ZC4H2: variants seen among roughly 807,000 people sequenced by gnomAD.
The protein encoded by ZC4H2 is zinc finger C4H2-type containing, also known as zinc finger C4H2 domain-containing protein.
For synonymous variants in ZC4H2, 84 were observed against 66.3 expected, an observed-to-expected ratio of 1.27 and a Z score of -1.30; for missense variants, 137 against 173.9, an observed-to-expected ratio of 0.79 and a Z score of 1.19.
chrX:64,946,130 GA>G (rs1453245518), intron 1 of ZC4H2, among the ~76,000 whole-genome samples: 1 of 108,687 alleles, frequency 9.2e-6, no homozygotes, highest in African/African-American at 3.3e-5. Flanking sequence ...TGGCGTGTGG[GA>G]AAAAAAACCA....
intron 1 of ZC4H2, among the ~76,000 whole-genome samples, chrX:64,928,785 CTTCT>C (rs1323809342): frequency 4.0e-5 from 4 of 100,632 alleles, no homozygotes; most frequent in Admixed American, 1.1e-4. Context: ...TTCTCTTCTT[CTTCT>C]TTTTCTTCTC....
At chrX:64,967,156 T>G (rs991122848) in intron 1 of ZC4H2, among the ~76,000 whole-genome samples, 8 of 111,391 alleles carry the variant, frequency 7.2e-5, no homozygotes, top group African/African-American at 2.6e-4. Flanking sequence ...CTTAATGGCT[T>G]AATAATAAAT....
At chrX:64,943,280 G>A (rs1930376357) in intron 1 of ZC4H2, among the ~76,000 whole-genome samples, 1 of 112,243 alleles carries the variant, frequency 8.9e-6, no homozygotes, top group Non-Finnish European at 1.9e-5. Context: ...AAAGTGCTAT[G>A]TGGTGCTGAG....
At chrX:65,008,625 T>C (rs748998805) in intron 1 of ZC4H2, among the ~76,000 whole-genome samples, 1 of 112,562 alleles carries the variant, frequency 8.9e-6, no homozygotes, top group African/African-American at 3.2e-5. Context: ...TGAAATATTA[T>C]TCAACCATAA....
intron 1 of ZC4H2, among the ~76,000 whole-genome samples, chrX:64,954,594 T>C (rs1184763418): frequency 9.5e-6 from 1 of 105,366 alleles, no homozygotes; most frequent in Non-Finnish European, 1.9e-5. Context: ...TTCTGAAAAA[T>C]TTCACAAGCA....
At chrX:64,938,900 C>A (rs1160863822) in intron 1 of ZC4H2, among the ~76,000 whole-genome samples, 2 of 112,222 alleles carry the variant, frequency 1.8e-5, no homozygotes. Context: ...CCCTCTCTCA[C>A]CACTTCTATT....
intron 2 of ZC4H2, 33 bp downstream of exon 2, chrX:64,921,784 G>A (rs1396042510): frequency 8.4e-7 from 1 of 1,197,177 alleles, no homozygotes. Flanking sequence ...CTTTCTCAAA[G>A]GCTTTAGAGA....
At chrX:65,000,195 C>T (rs1356729178) in intron 1 of ZC4H2, among the ~76,000 whole-genome samples, 1 of 111,506 alleles carries the variant, frequency 9.0e-6, no homozygotes, top group Non-Finnish European at 1.9e-5. Flanking sequence ...AAGGAGAGCT[C>T]CGGCTGGCAT....
intron 1 of ZC4H2, among the ~76,000 whole-genome samples, chrX:64,945,009 C>A (rs778237226): frequency 8.9e-6 from 1 of 112,418 alleles, no homozygotes; most frequent in Non-Finnish European, 1.9e-5. Context: ...AGCTTCCTTG[C>A]ATTGGGTTAG....
intron 1 of ZC4H2, among the ~76,000 whole-genome samples, chrX:64,927,520 C>G (rs904490887): frequency 8.9e-6 from 1 of 112,012 alleles, no homozygotes; most frequent in Non-Finnish European, 1.9e-5. Context: ...TTTTCTTTAT[C>G]CAGTCTATTA....
intron 1 of ZC4H2, among the ~76,000 whole-genome samples, chrX:64,992,285 T>C (rs1158653450): frequency 9.0e-6 from 1 of 111,511 alleles, no homozygotes; most frequent in Non-Finnish European, 1.9e-5. Flanking sequence ...GCATTCTTGT[T>C]CACCTTCCCT....
At chrX:64,951,766 T>C (rs1930851122) in intron 1 of ZC4H2, among the ~76,000 whole-genome samples, 1 of 111,055 alleles carries the variant, frequency 9.0e-6, no homozygotes, top group Non-Finnish European at 1.9e-5. Context: ...CTCACTCTGA[T>C]GGTAGTTTCT....
At chrX:64,938,269 G>C (rs778026264) in intron 1 of ZC4H2, among the ~76,000 whole-genome samples, 90 of 111,815 alleles carry the variant, frequency 8.0e-4, no homozygotes, top group African/African-American at 2.7e-3. Context: ...CTAATAACAA[G>C]TTCTGAAATT....
chrX:64,927,301 G>A (rs1262364648), intron 1 of ZC4H2, among the ~76,000 whole-genome samples: 1 of 109,370 alleles, frequency 9.1e-6, no homozygotes, highest in African/African-American at 3.3e-5. Flanking sequence ...ACCCCGACAG[G>A]CCCCAGTGTG....
rs754963711 is a variant in ZC4H2 at position 64,985,997 on chromosome X, G to C, written c.-272+48632C>G. On this transcript the variant is annotated intron_variant, in intron 1 of 4. Transcript: ENST00000337990. Reference sequence around the variant, plus strand: ...TTTGGCAGAACTCTAAGATTTTAGAGTGAAGGGAAGCCACCCCTACTCCTT... The same window carrying C: ...TTTGGCAGAACTCTAAGATTTTAGACTGAAGGGAAGCCACCCCTACTCCTT... Among the ~76,000 whole-genome samples, 12 of 112,143 alleles carry C rather than the reference G, an allele frequency of 1.1e-4. No individual in the cohort carries two copies. In the East Asian group the frequency reaches 3.1e-3, roughly 29 times the overall value.
At chrX:64,934,936 T>A (rs1332077373) in intron 1 of ZC4H2, among the ~76,000 whole-genome samples, 1 of 99,821 alleles carries the variant, frequency 1.0e-5, no homozygotes, top group Non-Finnish European at 2.0e-5. Flanking sequence ...AGCTGCAGGG[T>A]TTTTTTTTTT....
intron 1 of ZC4H2, among the ~76,000 whole-genome samples, chrX:65,009,630 C>G (rs1456735955): frequency 1.8e-5 from 2 of 112,028 alleles, no homozygotes; most frequent in Non-Finnish European, 3.8e-5. Context: ...AAGCAAAAGT[C>G]AGGCAGGTTT....
chrX:64,983,784 T>C (rs1321269569), intron 1 of ZC4H2, among the ~76,000 whole-genome samples: 2 of 112,061 alleles, frequency 1.8e-5, no homozygotes, highest in African/African-American at 6.5e-5. Flanking sequence ...AAGTTTTGCC[T>C]TCTAAAAATT....
chrX:64,946,676 A>G (rs1930551020), intron 1 of ZC4H2, among the ~76,000 whole-genome samples: 1 of 111,269 alleles, frequency 9.0e-6, no homozygotes, highest in Non-Finnish European at 1.9e-5. Context: ...TATGAAATAT[A>G]TATGTTTGGA....
Sources: gnomAD v4.1 joint callset for allele counts (sites outside exome capture counted in the v4.1 genomes callset) on GRCh38, gnomAD v4.1.1 for gene constraint, MANE v1.5 for transcripts, NCBI Gene and HGNC (gene_info 2026-07-23, HGNC 2026-07-21) for gene names.